The following STK17B variants were observed in gnomAD, a reference collection of about 807,000 sequenced individuals.
STK17B encodes the protein serine/threonine kinase 17b.
Under a neutral mutation model 42.0 loss-of-function variants are expected in STK17B, and 21 were observed. That is an observed-to-expected ratio of 0.50 (90% CI 0.35 to 0.72). STK17B has a LOEUF of 0.72. Among genes scored for constraint, STK17B ranks in the 30% least tolerant of loss-of-function variants. The pLI is 0.00. For synonymous variants in STK17B, 143 were observed against 148.4 expected (o/e 0.96, Z 0.26); for missense variants, 349 against 446.0 (o/e 0.78, Z 1.96).
intron 2 of STK17B, among the ~76,000 whole-genome samples, chr2:196,157,149 C>CAAAAAAAAAAAAAAAA: frequency 1.0e-5 from 1 of 98,176 alleles, no homozygotes; most frequent in Admixed American, 1.1e-4. Flanking sequence ...GAGACTGTCT[C>CAAAAAAAAAAAAAAAA]AAAAAAAAAA....
At chr2:196,173,088 C>G (rs761663948), upstream of STK17B, among the ~76,000 whole-genome samples, 4 of 152,106 alleles carry the variant, frequency 2.6e-5, no homozygotes, top group Non-Finnish European at 4.4e-5. Flanking sequence ...CCCCATACTC[C>G]CCGTCACTAA....
At chr2:196,151,903 TAAG>T (rs1210072251) in intron 3 of STK17B, among the ~76,000 whole-genome samples, 1 of 152,132 alleles carries the variant, frequency 6.6e-6, no homozygotes, top group Non-Finnish European at 1.5e-5. Context: ...TGTATTAAAA[TAAG>T]AAGGGAAAGA....
chr2:196,156,711 T>A, intron 2 of STK17B, 60 bp from the exon 3 acceptor site: 12 of 1,299,366 alleles, frequency 9.2e-6, no homozygotes, highest in African/African-American at 1.5e-5. Flanking sequence ...GTTAGTATAT[T>A]ACAGATTCTG....
intron 6 of STK17B, among the ~76,000 whole-genome samples, chr2:196,140,577 C>CCTTTTTTTTTTT (rs1334737441): frequency 3.0e-5 from 3 of 101,476 alleles, no homozygotes; most frequent in African/African-American, 3.6e-5. Context: ...CTTCTTCTAG[C>CCTTTTTTTTTTT]TTTTTTTTTT....
At chr2:196,152,987 G>T (rs1471535421) in intron 3 of STK17B, 1 of 151,856 alleles carries the variant, frequency 6.6e-6, no homozygotes, top group Non-Finnish European at 1.5e-5. Context: ...GTCTCAGTTT[G>T]TTGCCCAGGC....
chr2:196,149,104 T>C (rs1699624615), intron 3 of STK17B, among the ~76,000 whole-genome samples: 1 of 152,132 alleles, frequency 6.6e-6, no homozygotes, highest in Non-Finnish European at 1.5e-5. Flanking sequence ...AAGCAGATCG[T>C]TTCAATAAAT....
chr2:196,172,267 G>A (rs79860438), upstream of STK17B, among the ~76,000 whole-genome samples: 1 of 84,602 alleles, frequency 1.2e-5, no homozygotes, highest in Admixed American at 1.1e-4. Flanking sequence ...TAAGGAAAAA[G>A]ATGAAAGCCC....
At chr2:196,175,217 C>T (rs1478657480), upstream of STK17B, among the ~76,000 whole-genome samples, 1 of 152,122 alleles carries the variant, frequency 6.6e-6, no homozygotes, top group African/African-American at 2.4e-5. Context: ...ATACTTACAG[C>T]ATGTCCCAAT....
At chr2:196,172,999 G>A (rs1229415589), upstream of STK17B, among the ~76,000 whole-genome samples, 1 of 151,988 alleles carries the variant, frequency 6.6e-6, no homozygotes, top group African/African-American at 2.4e-5. Flanking sequence ...GGTGGTTTTG[G>A]GGTTGTGTGT....
intron 3 of STK17B, among the ~76,000 whole-genome samples, chr2:196,147,259 A>G (rs1158110467): frequency 2.0e-5 from 3 of 152,090 alleles, no homozygotes; most frequent in African/African-American, 7.2e-5. Context: ...CTATTACTCT[A>G]TTTTTACTTC....
chr2:196,163,242 A>C lies in STK17B; in HGVS notation c.122+20T>G. ...CAAAATTTGAATTTAGATGGCATACACGTCATATGGTTTTCTTACCTCCCT... is the reference window on the plus strand; with the variant it reads ...CAAAATTTGAATTTAGATGGCATACCCGTCATATGGTTTTCTTACCTCCCT... On this transcript the variant is annotated intron_variant, in intron 2 of 7. Transcript: ENST00000263955. 6.2e-7 allele frequency: 1 copy of C among 1,607,354 alleles called. No individual in the cohort carries two copies. The highest frequency in any genetic ancestry group is 8.5e-7 in the Non-Finnish European group (1 of 1,178,018).
At chr2:196,165,198 A>T (rs1699862240) in intron 1 of STK17B, among the ~76,000 whole-genome samples, 1 of 152,198 alleles carries the variant, frequency 6.6e-6, no homozygotes, top group Admixed American at 6.5e-5. Context: ...TAGGACACAG[A>T]CACACACAGA....
chr2:196,140,322 A>G (rs1294050927), intron 6 of STK17B, among the ~76,000 whole-genome samples: 1 of 152,236 alleles, frequency 6.6e-6, no homozygotes, highest in Admixed American at 6.5e-5. Flanking sequence ...TAGCCATACC[A>G]TCTTTTTTCC....
intron 3 of STK17B, 21 bp from the exon 4 acceptor site, chr2:196,146,076 C>T (rs1575174615): frequency 3.2e-6 from 5 of 1,561,088 alleles, no homozygotes; most frequent in Non-Finnish European, 3.4e-6. Context: ...ATTCAAAGAA[C>T]AGAGACTTGA....
intron 3 of STK17B, among the ~76,000 whole-genome samples, chr2:196,146,364 T>C (rs560488823): frequency 5.3e-5 from 8 of 151,910 alleles, no homozygotes; most frequent in Non-Finnish European, 1.2e-4. Context: ...ATTAGCTGGG[T>C]GTGATGGCAG....
chr2:196,142,088 C>T (rs1270954136), intron 5 of STK17B, among the ~76,000 whole-genome samples: 1 of 152,078 alleles, frequency 6.6e-6, no homozygotes, highest in East Asian at 1.9e-4. Flanking sequence ...GAGTTTCGCT[C>T]TTGTTGCCCA....
intron 4 of STK17B, among the ~76,000 whole-genome samples, chr2:196,144,584 G>A (rs1699545106): frequency 6.8e-6 from 1 of 146,956 alleles, no homozygotes. Flanking sequence ...GAATGAGAAC[G>A]TAAACATTTC....
intron 2 of STK17B, among the ~76,000 whole-genome samples, chr2:196,161,726 A>T (rs1468246205): frequency 6.6e-6 from 1 of 151,764 alleles, no homozygotes; most frequent in African/African-American, 2.4e-5. Context: ...CTATGTTGGC[A>T]AGGGTGGTCT....
chr2:196,141,146 T>C (rs1383317737), intron 6 of STK17B, 103 bp downstream of exon 6: 5 of 802,522 alleles, frequency 6.2e-6, no homozygotes, highest in African/African-American at 1.8e-5. Flanking sequence ...TAAAATCTTT[T>C]GAAGAAAGCC....
Sources: allele counts gnomAD v4.1 joint callset (sites outside exome capture counted in the v4.1 genomes callset), GRCh38; gene constraint gnomAD v4.1.1; transcripts MANE v1.5; gene names NCBI Gene and HGNC (gene_info 2026-07-23, HGNC 2026-07-21).